Variants in HSF2BP observed in about 807,000 individuals in gnomAD.
HSF2BP encodes the protein heat shock transcription factor 2 binding protein.
In HSF2BP, 35 loss-of-function variants were observed where a neutral mutation model predicts 35.0. That is an observed-to-expected ratio of 1.00 (90% CI 0.76 to 1.32). The LOEUF (loss-of-function observed/expected upper bound fraction) is 1.32, where lower values mean the gene tolerates loss of function less well. Ranked by LOEUF, HSF2BP falls within the 40% of genes most tolerant of loss-of-function variation. The probability of loss-of-function intolerance (pLI) is 0.00; values close to 1 mark genes in which losing one functional copy is unlikely to be tolerated. For missense variants in HSF2BP, 326 were observed against 321.7 expected, an observed-to-expected ratio of 1.01 and a Z score of -0.10; for synonymous variants, 114 against 117.4, an observed-to-expected ratio of 0.97 and a Z score of 0.18.
intron 8 of HSF2BP, among the ~76,000 whole-genome samples, chr21:43,576,990 T>C (rs17004582): frequency 0.045 from 6,852 of 152,228 alleles, 522 homozygotes; most frequent in African/African-American, 0.16. Flanking sequence ...GTACTCTATG[T>C]AGGTCAACGA....
At chr21:43,467,908 CCACACACCACACACACCACACACCACACA>C in the HSF2BP span, among the ~76,000 whole-genome samples, 1 of 43,878 alleles carries the variant, frequency 2.3e-5, no homozygotes, top group South Asian at 8.3e-4. Context: ...CACACACGCA[CCACACACCACACACACCACACACCACACA>C]CACACACCAC....
At chr21:43,610,443 A>AG (rs1427729508) in intron 7 of HSF2BP, among the ~76,000 whole-genome samples, 1 of 151,144 alleles carries the variant, frequency 6.6e-6, no homozygotes, top group Non-Finnish European at 1.5e-5. Flanking sequence ...ACCAAAAAAA[A>AG]AAAAAAAATT....
intron 3 of HSF2BP, among the ~76,000 whole-genome samples, chr21:43,645,035 T>G (rs2082690144): frequency 6.6e-6 from 1 of 152,218 alleles, no homozygotes; most frequent in African/African-American, 2.4e-5. Context: ...ACTATCAACT[T>G]TAAATTTAAA....
rs765610692 is a variant in HSF2BP, at chr21:43,594,705, C to T, written c.693-2377G>A. Among the ~76,000 whole-genome samples, 3 of 148,632 alleles carry T rather than the reference C, an allele frequency of 2.0e-5. No individual in the cohort carries two copies. The South Asian group carries it at 6.5e-4, about 32-fold the overall frequency. ...AAGGGAGAGAGAGAAGGAAGAAAGA[C>T]GGTGGGAGGAAGGGAAGGAGGGAGA... On this transcript the variant is annotated intron_variant, in intron 7 of 8. Coordinates refer to ENST00000291560, the MANE Select transcript of HSF2BP (RefSeq NM_007031.2).
intron 8 of HSF2BP, among the ~76,000 whole-genome samples, chr21:43,580,101 C>T (rs1227624309): frequency 1.3e-5 from 2 of 152,240 alleles, no homozygotes; most frequent in East Asian, 1.9e-4. Context: ...ATGTTCCCTA[C>T]ACTGCCAGTC....
At chr21:43,621,301 C>G (rs1267396919) in intron 6 of HSF2BP, among the ~76,000 whole-genome samples, 1 of 152,128 alleles carries the variant, frequency 6.6e-6, no homozygotes, top group Admixed American at 6.5e-5. Context: ...CCAAGGCAGG[C>G]AGATCACTTG....
At chr21:43,637,515 A>G (rs2082579569) in intron 4 of HSF2BP, among the ~76,000 whole-genome samples, 1 of 151,342 alleles carries the variant, frequency 6.6e-6, no homozygotes, top group African/African-American at 2.4e-5. Context: ...ATAAATAAAA[A>G]TTCTCAGTCA....
chr21:43,638,133 T>C (rs1240493131), intron 4 of HSF2BP, among the ~76,000 whole-genome samples: 1 of 151,974 alleles, frequency 6.6e-6, no homozygotes, highest in Non-Finnish European at 1.5e-5. Context: ...AAGAAATCCA[T>C]AAAAGAACTC....
rs376370135 is a variant in HSF2BP at position 43,580,301 on chromosome 21, C to A, written c.796+11924G>T. 2.0e-5 allele frequency among the ~76,000 whole-genome samples: 3 copies of A among 152,272 alleles called. No individual in the cohort carries two copies. The South Asian group carries it at 6.2e-4, about 32-fold the overall frequency. On this transcript the variant is annotated intron_variant, in intron 8 of 8. Coordinates refer to ENST00000291560, the MANE Select transcript of HSF2BP (RefSeq NM_007031.2). Reference sequence around the variant, plus strand: ...AAACTCACTCCCCTTTCTCAATGTGCCTATGAGTTAATTGTATCCTGACCA... The same window carrying A: ...AAACTCACTCCCCTTTCTCAATGTGACTATGAGTTAATTGTATCCTGACCA...
intron 7 of HSF2BP, among the ~76,000 whole-genome samples, chr21:43,604,483 TACAC>T (rs142684476): frequency 3.7e-5 from 4 of 106,950 alleles, no homozygotes; most frequent in Non-Finnish European, 7.3e-5. Flanking sequence ...ACGCACACCA[TACAC>T]ACACACACCA....
At position 43,633,429 on chromosome 21, in the gene HSF2BP, C is replaced by T. The variant is rs371512168; in HGVS notation, c.292-8G>A. ...TCGAAGAGCCAGTTTCTCCTAAAAGCAAAACAAAATTGAAAAATAAATAAT... is the reference window on the plus strand; with the variant it reads ...TCGAAGAGCCAGTTTCTCCTAAAAGTAAAACAAAATTGAAAAATAAATAAT... On this transcript the variant is annotated splice_region_variant and splice_polypyrimidine_tract_variant and intron_variant, in intron 4 of 8. Transcript: ENST00000291560. 1.8e-5 allele frequency: 29 copies of T among 1,598,938 alleles called. No individual in the cohort carries two copies. Among genetic ancestry groups the T allele is most frequent in the Non-Finnish European group, 2.4e-5 (28 of 1,174,950 alleles).
At chr21:43,621,264 T>A (rs569325092) in intron 6 of HSF2BP, among the ~76,000 whole-genome samples, 1 of 152,340 alleles carries the variant, frequency 6.6e-6, no homozygotes, top group South Asian at 2.1e-4. Context: ...CAGTAGCTCA[T>A]GCCTGTAATC....
Position 43,659,160 on chromosome 21 carries a change from G to A in HSF2BP, c.-225+226C>T, listed in dbSNP as rs1480537328. Among the ~76,000 whole-genome samples the A allele has an allele frequency of 1.3e-5, 2 of 152,078 alleles. No homozygotes were observed. The highest frequency in any genetic ancestry group is 2.9e-5 in the Non-Finnish European group (2 of 68,020). On this transcript the variant is annotated intron_variant, in intron 1 of 8. Transcript: ENST00000291560. This position sits in a 1 kb window ranked among gnomAD's most constrained non-coding sequence, Gnocchi z 4.2. Reference sequence around the variant, plus strand: ...AAAAAAATAACAAATAGTGGGGCGTGATGGCGCGCGCCTGTAGTCTCAGCT... The same window carrying A: ...AAAAAAATAACAAATAGTGGGGCGTAATGGCGCGCGCCTGTAGTCTCAGCT...
intron 8 of HSF2BP, among the ~76,000 whole-genome samples, chr21:43,588,128 G>A (rs1405939314): frequency 1.2e-4 from 19 of 152,048 alleles, no homozygotes; most frequent in East Asian, 7.7e-4. Flanking sequence ...CTGTAATCCC[G>A]GCACTCCGAG....
chr21:43,574,757 C>A (rs2081620720), intron 8 of HSF2BP, among the ~76,000 whole-genome samples: 2 of 152,206 alleles, frequency 1.3e-5, no homozygotes, highest in Non-Finnish European at 2.9e-5. Context: ...GGGCCGCCCT[C>A]CATGGGGAGC....
At chr21:43,578,469 T>C (rs2081674473) in intron 8 of HSF2BP, among the ~76,000 whole-genome samples, 1 of 152,022 alleles carries the variant, frequency 6.6e-6, no homozygotes, top group African/African-American at 2.4e-5. Context: ...GGGGTTCTGT[T>C]AGAAATGAAG....
chr21:43,610,433 A>AC (rs2082189607), intron 7 of HSF2BP, among the ~76,000 whole-genome samples: 2 of 90,802 alleles, frequency 2.2e-5, no homozygotes. Flanking sequence ...TACAAAAAAT[A>AC]CCAAAAAAAA....
intron 2 of HSF2BP, 45 bp downstream of exon 2, chr21:43,658,016 C>A (rs370070545): frequency 2.0e-6 from 3 of 1,534,850 alleles, no homozygotes; most frequent in Non-Finnish European, 1.7e-6. Flanking sequence ...GAGCGAATGG[C>A]GACGGTTCAA....
At chr21:43,572,081 G>A (rs1046698740) in intron 8 of HSF2BP, among the ~76,000 whole-genome samples, 5 of 152,204 alleles carry the variant, frequency 3.3e-5, no homozygotes, top group African/African-American at 1.2e-4. Context: ...GCAAGAGGAC[G>A]CATGGCCTGA....
Sources: gnomAD v4.1 joint callset for allele counts (sites outside exome capture counted in the v4.1 genomes callset) on GRCh38, gnomAD v4.1.1 for gene constraint, Gnocchi (gnomAD v3.1) non-coding constraint, MANE v1.5 for transcripts, NCBI Gene and HGNC (gene_info 2026-07-23, HGNC 2026-07-21) for gene names.